CELF2: variants seen among roughly 807,000 people sequenced by gnomAD.
The protein encoded by CELF2 is CUG triplet repeat RNA-binding protein 2.
Under a neutral mutation model 62.6 loss-of-function variants are expected in CELF2, and 8 were observed. The ratio of observed to expected loss-of-function variants is 0.13; its 90% CI spans 0.07 to 0.23. The LOEUF is 0.23. Among genes scored for constraint, CELF2 ranks in the 10% least tolerant of loss-of-function variants. CELF2 has a pLI of 1.00. For missense variants in CELF2, 333 were observed against 671.0 expected, an observed-to-expected ratio of 0.50 and a Z score of 5.56; for synonymous variants, 258 against 250.0, an observed-to-expected ratio of 1.03 and a Z score of -0.30.
At position 11,322,679 on chromosome 10, in the gene CELF2, T is replaced by C. The variant is rs561343978; in HGVS notation, c.1294+1293T>C. Among the ~76,000 whole-genome samples the C allele has an allele frequency of 3.9e-5, 6 of 152,282 alleles. No individual in the cohort carries two copies. The South Asian group carries it at 8.3e-4, about 21-fold the overall frequency. On this transcript the variant is annotated intron_variant, in intron 11 of 12. Coordinates refer to ENST00000633077, the MANE Select transcript of CELF2 (RefSeq NM_001326342.2). ...TAAAGGAAGGAAAAGGTTTTTTCTTTGTATAAATAACATGGATATCACTTT... is the reference window on the plus strand; with the variant it reads ...TAAAGGAAGGAAAAGGTTTTTTCTTCGTATAAATAACATGGATATCACTTT...
the CELF2 span, among the ~76,000 whole-genome samples, chr10:10,688,405 A>G: frequency 6.6e-6 from 1 of 152,214 alleles, no homozygotes; most frequent in African/African-American, 2.4e-5. Flanking sequence ...CTAACAAATT[A>G]TAACCACTGC....
intron 2 of CELF2, among the ~76,000 whole-genome samples, chr10:10,949,826 C>CAAAAAA (rs35952853): frequency 6.1e-5 from 5 of 82,234 alleles, no homozygotes; most frequent in African/African-American, 1.7e-4. Context: ...ACACACACAC[C>CAAAAAA]AAAAAAAAAA....
the CELF2 span, among the ~76,000 whole-genome samples, chr10:10,495,150 G>T: frequency 2.0e-5 from 3 of 152,188 alleles, no homozygotes; most frequent in Admixed American, 2.0e-4. Context: ...GCATGGTGGC[G>T]GGCGCCTGTA....
upstream of CELF2, among the ~76,000 whole-genome samples, chr10:11,004,458 T>G (rs1665624771): frequency 6.6e-6 from 1 of 151,956 alleles, no homozygotes; most frequent in Non-Finnish European, 1.5e-5. The surrounding 1 kb of genome is among the most constrained non-coding windows in gnomAD (Gnocchi z 5.0). Flanking sequence ...GTTATTTTAC[T>G]TGGCTAATCT....
intron 1 of CELF2, among the ~76,000 whole-genome samples, chr10:11,066,288 T>C (rs1183080403): frequency 5.9e-5 from 9 of 152,166 alleles, no homozygotes; most frequent in Admixed American, 5.9e-4. Flanking sequence ...ACCTTTTTTT[T>C]CCTTCTCTGA....
chr10:10,912,106 T>C (rs1374622556), intron 1 of CELF2, among the ~76,000 whole-genome samples: 1 of 152,148 alleles, frequency 6.6e-6, no homozygotes, highest in Admixed American at 6.5e-5. Flanking sequence ...AAGAAAGAAA[T>C]GCAGTAGTGC....
Position 10,957,400 on chromosome 10 carries a change from T to G in CELF2, c.89+37401T>G, listed in dbSNP as rs1006522132. Among the ~76,000 whole-genome samples the G allele has an allele frequency of 6.6e-6, 1 of 152,212 alleles. No individual in the cohort carries two copies. Among genetic ancestry groups the G allele is most frequent in the African/African-American group, 2.4e-5 (1 of 41,452 alleles). ...CTGAAGGATGATCTCAGATGCCTTC[T>G]GTTTGAATGTAAGAGGATGAATTGA... is the stretch of plus-strand genomic sequence containing the variant. On this transcript the variant is annotated intron_variant, in intron 2 of 13. Transcript: ENST00000636488. The surrounding 1 kb of genome is among the most constrained non-coding windows in gnomAD (Gnocchi z 4.1).
At chr10:11,018,384 C>T (rs2057673482) in intron 1 of CELF2, among the ~76,000 whole-genome samples, 1 of 151,570 alleles carries the variant, frequency 6.6e-6, no homozygotes, top group African/African-American at 2.4e-5. Context: ...CCCGGAGGGA[C>T]GAGCGGAGCG....
At chr10:11,021,269 T>G (rs2058276036) in intron 1 of CELF2, among the ~76,000 whole-genome samples, 1 of 152,174 alleles carries the variant, frequency 6.6e-6, no homozygotes, top group Admixed American at 6.5e-5. Context: ...ACCAATAAAT[T>G]AAAAATAAAT....
chr10:11,205,019 T>G (rs554945539), intron 2 of CELF2, among the ~76,000 whole-genome samples: 1 of 152,230 alleles, frequency 6.6e-6, no homozygotes, highest in Non-Finnish European at 1.5e-5. Flanking sequence ...AGCATACAGT[T>G]GGGGAAAATT....
chr10:11,226,338 G>A (rs547311659), intron 3 of CELF2, among the ~76,000 whole-genome samples: 10 of 152,242 alleles, frequency 6.6e-5, no homozygotes, highest in Non-Finnish European at 1.5e-4. Context: ...CTAAGCCAAG[G>A]AACTTTCCAT....
At chr10:11,063,900 A>G (rs1027451038) in intron 1 of CELF2, among the ~76,000 whole-genome samples, 2 of 152,098 alleles carry the variant, frequency 1.3e-5, no homozygotes, top group African/African-American at 4.8e-5. Context: ...TCCAGAGGGG[A>G]GTGGATTGAT....
At chr10:10,974,563 G>C (rs1353175985) in intron 2 of CELF2, among the ~76,000 whole-genome samples, 1 of 152,200 alleles carries the variant, frequency 6.6e-6, no homozygotes, top group African/African-American at 2.4e-5. Context: ...GTCATGCACT[G>C]ACTCTGCCGG....
chr10:11,048,586 C>T (rs1454544294), intron 1 of CELF2, among the ~76,000 whole-genome samples: 1 of 152,212 alleles, frequency 6.6e-6, no homozygotes, highest in Non-Finnish European at 1.5e-5. Flanking sequence ...GTTAGATCCA[C>T]CCTTGTTTGA....
chr10:10,746,907 C>T, the CELF2 span, among the ~76,000 whole-genome samples: 443 of 152,272 alleles, frequency 2.9e-3, no homozygotes, highest in African/African-American at 0.01. Context: ...ACCTTTGCTG[C>T]CTGGTGTCAC....
the CELF2 span, among the ~76,000 whole-genome samples, chr10:10,570,097 C>T: frequency 6.6e-6 from 1 of 152,176 alleles, no homozygotes; most frequent in South Asian, 2.1e-4. Context: ...GGTGTCATAA[C>T]ATGAGGCAGT....
intron 2 of CELF2, among the ~76,000 whole-genome samples, chr10:11,216,363 C>T (rs2063360006): frequency 6.6e-6 from 1 of 152,154 alleles, no homozygotes; most frequent in South Asian, 2.1e-4. Flanking sequence ...TGTCTGGCTC[C>T]GTGCGTTATG....
In CELF2 at chr10:11,333,617, GT is replaced by G. The variant is rs970391158; in HGVS notation, c.*4571del. The G allele has an allele frequency of 1.4e-4, 22 of 152,120 alleles. No individual in the cohort carries two copies. The highest frequency in any genetic ancestry group is 3.9e-4 in the African/African-American group (16 of 41,404). 9.4% of individuals were successfully genotyped at this position (152,120 alleles called of 1,614,324 possible). ...ATAATGTCATACAAAAAATGTATTT[GT>G]TTTTTTGTGCTGTGAGAATTGATGT... On this transcript the variant is annotated 3_prime_UTR_variant, in exon 13 of 13. Transcript: ENST00000633077.
At chr10:10,810,760 A>T (rs80252142) in intron 1 of CELF2, among the ~76,000 whole-genome samples, 1 of 152,326 alleles carries the variant, frequency 6.6e-6, no homozygotes, top group African/African-American at 2.4e-5. Flanking sequence ...ATCATCGTTC[A>T]TCAAGTCATG....
Sources: allele counts gnomAD v4.1 joint callset (sites outside exome capture counted in the v4.1 genomes callset), GRCh38; gene constraint gnomAD v4.1.1; non-coding constraint Gnocchi (gnomAD v3.1); transcripts MANE v1.5; gene names NCBI Gene and HGNC (gene_info 2026-07-23, HGNC 2026-07-21).